CTNND2: variants seen among roughly 807,000 people sequenced by gnomAD.
CTNND2 encodes the protein catenin delta 2.
In CTNND2, 22 loss-of-function variants were observed where a neutral mutation model predicts 144.4. The observed-to-expected ratio is 0.15, with a 90% confidence interval of 0.11 to 0.22. The LOEUF (loss-of-function observed/expected upper bound fraction) is 0.22. CTNND2 is among the 10% of genes least tolerant of loss of function. The pLI is 1.00. For synonymous variants in CTNND2, 751 were observed against 695.6 expected (o/e 1.08, Z -1.25); for missense variants, 1,353 against 1,618.8 (o/e 0.84, Z 2.82).
At chr5:11,214,583 C>T (rs1738977557) in intron 10 of CTNND2, among the ~76,000 whole-genome samples, 1 of 152,140 alleles carries the variant, frequency 6.6e-6, no homozygotes, top group Non-Finnish European at 1.5e-5. Flanking sequence ...TTTCAAAAAA[C>T]ATACGTAACC....
chr5:11,735,987 T>C (rs1283055113), intron 1 of CTNND2, among the ~76,000 whole-genome samples: 4 of 152,336 alleles, frequency 2.6e-5, no homozygotes, highest in South Asian at 4.1e-4. Context: ...CCCATGCTAA[T>C]TCAGGCTCTG....
intron 11 of CTNND2, among the ~76,000 whole-genome samples, chr5:11,183,418 G>A (rs1008366547): frequency 1.4e-4 from 22 of 152,180 alleles, no homozygotes; most frequent in African/African-American, 5.1e-4. Flanking sequence ...CTGTGCATAA[G>A]TGATTACACA....
At chr5:11,093,433 A>T (rs1317764511) in intron 15 of CTNND2, among the ~76,000 whole-genome samples, 4 of 152,240 alleles carry the variant, frequency 2.6e-5, no homozygotes, top group African/African-American at 7.2e-5. Context: ...AAAAACATTT[A>T]TCACTTTGCT....
intron 12 of CTNND2, among the ~76,000 whole-genome samples, chr5:11,124,782 GT>G (rs1306263455): frequency 1.3e-5 from 2 of 152,108 alleles, no homozygotes; most frequent in African/African-American, 2.4e-5. Context: ...TTTGTTCCAA[GT>G]TTTGTATATT....
chr5:11,312,355 G>A lies in CTNND2; in HGVS notation c.1628+34017C>T, dbSNP rs547205699. Among the ~76,000 whole-genome samples the A allele has an allele frequency of 2.8e-4, 43 of 151,884 alleles. 1 individual carries two copies. Among genetic ancestry groups the A allele is most frequent in the Non-Finnish European group, 7.4e-5 (5 of 68,002 alleles). Reference sequence around the variant, plus strand: ...ATACCCAAGACTGGGAAGAAAAAGGGGTTTAATCGGACTTACAGTTCCACA... The same window carrying A: ...ATACCCAAGACTGGGAAGAAAAAGGAGTTTAATCGGACTTACAGTTCCACA... On this transcript the variant is annotated intron_variant, in intron 9 of 21. Transcript: ENST00000304623.
At chr5:11,835,829 T>C (rs1248738316) in intron 1 of CTNND2, among the ~76,000 whole-genome samples, 1 of 152,202 alleles carries the variant, frequency 6.6e-6, no homozygotes, top group East Asian at 1.9e-4. Flanking sequence ...GTCTTTCTTC[T>C]GTCCTTCTTT....
At chr5:10,979,421 G>A (rs889988288) in intron 21 of CTNND2, among the ~76,000 whole-genome samples, 5 of 152,190 alleles carry the variant, frequency 3.3e-5, no homozygotes, top group Non-Finnish European at 7.3e-5. Context: ...TTAGATGTTA[G>A]CAACACATCA....
intron 3 of CTNND2, among the ~76,000 whole-genome samples, chr5:11,420,839 G>A (rs958013209): frequency 6.6e-6 from 1 of 151,996 alleles, no homozygotes; most frequent in Non-Finnish European, 1.5e-5. Context: ...ACAACTTGAC[G>A]GCTATTATGA....
chr5:11,638,770 C>A (rs1251303767), intron 2 of CTNND2, among the ~76,000 whole-genome samples: 1 of 152,090 alleles, frequency 6.6e-6, no homozygotes, highest in East Asian at 1.9e-4. Flanking sequence ...GACATGGTTT[C>A]ACTATGTTGA....
chr5:11,602,474 G>T (rs993413708), intron 2 of CTNND2, among the ~76,000 whole-genome samples: 5 of 151,622 alleles, frequency 3.3e-5, no homozygotes, highest in African/African-American at 1.2e-4. Context: ...AGAAACAAGG[G>T]CACTGCCCTT....
At chr5:11,365,024 G>A (rs1418571776) in intron 7 of CTNND2, 134 bp from the exon 8 acceptor site, 1 of 707,716 alleles carries the variant, frequency 1.4e-6, no homozygotes, top group Non-Finnish European at 2.3e-6. Flanking sequence ...AGCATGAAAT[G>A]GCAGCAATAT....
chr5:11,230,629 T>A (rs1740898695), intron 10 of CTNND2, among the ~76,000 whole-genome samples: 1 of 152,194 alleles, frequency 6.6e-6, no homozygotes, highest in Non-Finnish European at 1.5e-5. Context: ...CACCCATGAA[T>A]ACGGACCACA....
At chr5:11,095,795 C>A (rs1751281016) in intron 15 of CTNND2, among the ~76,000 whole-genome samples, 1 of 151,854 alleles carries the variant, frequency 6.6e-6, no homozygotes, top group Non-Finnish European at 1.5e-5. Context: ...GATTTTTTTT[C>A]TTTGTTACTA....
intron 14 of CTNND2, among the ~76,000 whole-genome samples, chr5:11,109,935 C>T (rs1752790316): frequency 6.6e-6 from 1 of 152,182 alleles, no homozygotes; most frequent in Admixed American, 6.5e-5. Flanking sequence ...TCTGTATCAT[C>T]TATACCTATA....
At chr5:11,538,319 C>T (rs1774409098) in intron 3 of CTNND2, among the ~76,000 whole-genome samples, 1 of 152,106 alleles carries the variant, frequency 6.6e-6, no homozygotes, top group Non-Finnish European at 1.5e-5. Flanking sequence ...AGCATACCAA[C>T]CTCTGCTTGT....
At chr5:11,769,276 A>G (rs1789780860) in intron 1 of CTNND2, among the ~76,000 whole-genome samples, 1 of 152,130 alleles carries the variant, frequency 6.6e-6, no homozygotes. Context: ...GGGCCTCCAG[A>G]GGTCTCTCTG....
chr5:11,199,186 A>G (rs1001590978), intron 11 of CTNND2, among the ~76,000 whole-genome samples: 6 of 152,314 alleles, frequency 3.9e-5, no homozygotes, highest in Admixed American at 3.9e-4. Flanking sequence ...ATGCTCAACT[A>G]CTACTTCATC....
At chr5:11,362,857 T>C (rs1333866314) in intron 8 of CTNND2, among the ~76,000 whole-genome samples, 4 of 152,182 alleles carry the variant, frequency 2.6e-5, no homozygotes, top group Admixed American at 6.5e-5. Context: ...GGCCAGATAG[T>C]AAATATTCTT....
At position 11,821,346 on chromosome 5, in the gene CTNND2, C is replaced by A. The variant is rs28692864; in HGVS notation, c.37+82471G>T. On this transcript the variant is annotated intron_variant, in intron 1 of 21. Transcript: ENST00000304623. ...TCACAACTTACTCTGAAAGCACCAA[C>A]AATGAATTGATGGAAGAGTAAAGAA... Among the ~76,000 whole-genome samples the A allele has an allele frequency of 3.9e-5, 6 of 152,124 alleles. No individual in the cohort carries two copies. In the South Asian group the frequency reaches 1.2e-3, roughly 32 times the overall value.
Sources: allele counts gnomAD v4.1 joint callset (sites outside exome capture counted in the v4.1 genomes callset), GRCh38; gene constraint gnomAD v4.1.1; transcripts MANE v1.5; gene names NCBI Gene and HGNC (gene_info 2026-07-23, HGNC 2026-07-21).